MMS22L: variants seen among roughly 807,000 people sequenced by gnomAD.
MMS22L encodes MMS22 like, DNA repair protein.
MMS22L carries 74 observed loss-of-function variants against 159.1 expected under a neutral mutation model. The ratio of observed to expected loss-of-function variants is 0.47; its 90% CI spans 0.39 to 0.56. The LOEUF (loss-of-function observed/expected upper bound fraction) is 0.56. MMS22L is among the 20% of genes least tolerant of loss of function. The pLI is 0.00. For synonymous variants in MMS22L, 517 were observed against 506.9 expected (o/e 1.02, Z -0.27); for missense variants, 1,351 against 1,422.1 (o/e 0.95, Z 0.80).
intron 9 of MMS22L, chr6:97,258,674 GTAT>G: frequency 6.6e-6 from 1 of 152,204 alleles, no homozygotes; most frequent in Non-Finnish European, 1.5e-5. Flanking sequence ...TACCCACAAT[GTAT>G]TTATTAATTT....
chr6:97,186,990 T>C (rs1174455831), intron 14 of MMS22L, among the ~76,000 whole-genome samples: 1 of 152,162 alleles, frequency 6.6e-6, no homozygotes, highest in South Asian at 2.1e-4. Flanking sequence ...AACTCACACA[T>C]GACAAGTGAT....
chr6:97,229,485 ACT>A (rs1810624858), intron 13 of MMS22L, 82 bp from the exon 14 acceptor site: 1 of 948,798 alleles, frequency 1.1e-6, no homozygotes, highest in Non-Finnish European at 1.5e-6. Context: ...TTGTTTCAAT[ACT>A]CATAACAATC....
At chr6:97,218,260 G>C (rs945747365) in intron 14 of MMS22L, among the ~76,000 whole-genome samples, 1 of 152,114 alleles carries the variant, frequency 6.6e-6, no homozygotes, top group Non-Finnish European at 1.5e-5. Flanking sequence ...AATAAACACA[G>C]AGATGAAATT....
At chr6:97,212,669 A>C (rs185831389) in intron 14 of MMS22L, among the ~76,000 whole-genome samples, 19 of 152,350 alleles carry the variant, frequency 1.2e-4, no homozygotes, top group African/African-American at 4.6e-4. Context: ...CTTGTTGAAG[A>C]CTACAGTGAA....
intron 22 of MMS22L, among the ~76,000 whole-genome samples, chr6:97,156,387 T>C (rs1476689060): frequency 6.6e-6 from 1 of 152,254 alleles, no homozygotes; most frequent in East Asian, 1.9e-4. Flanking sequence ...CATGAAGTCT[T>C]TGCCCATCCC....
intron 14 of MMS22L, among the ~76,000 whole-genome samples, chr6:97,202,398 T>G (rs562149968): frequency 2.0e-4 from 31 of 152,300 alleles, no homozygotes; most frequent in African/African-American, 7.0e-4. Context: ...TCTATATATA[T>G]AGAGCAAAGC....
intron 14 of MMS22L, among the ~76,000 whole-genome samples, chr6:97,225,572 G>GTTTTTTTTTTTTTTT (rs202185434): frequency 7.0e-6 from 1 of 142,060 alleles, no homozygotes; most frequent in African/African-American, 2.6e-5. Flanking sequence ...TGGTCTCGAA[G>GTTTTTTTTTTTTTTT]TTTTTTTTTT....
At chr6:97,175,864 A>T (rs1160641345) in intron 18 of MMS22L, among the ~76,000 whole-genome samples, 1 of 152,156 alleles carries the variant, frequency 6.6e-6, no homozygotes, top group Non-Finnish European at 1.5e-5. Flanking sequence ...ATTTTTTGAG[A>T]AAATGTCTGC....
chr6:97,177,864 A>C (rs1192803567), intron 18 of MMS22L, among the ~76,000 whole-genome samples: 1 of 152,204 alleles, frequency 6.6e-6, no homozygotes, highest in East Asian at 1.9e-4. Context: ...AAAGACACTA[A>C]TCCAAACACA....
chr6:97,267,594 T>A (rs1453714248), intron 8 of MMS22L: 1 of 188,122 alleles, frequency 5.3e-6, no homozygotes, highest in Admixed American at 6.2e-5. Context: ...TCGGTAAACA[T>A]CATTTTTATT....
At chr6:97,245,099 G>A (rs1812489874) in intron 11 of MMS22L, among the ~76,000 whole-genome samples, 1 of 151,656 alleles carries the variant, frequency 6.6e-6, no homozygotes, top group Admixed American at 6.6e-5. Flanking sequence ...TGGTGTGCAG[G>A]GCTGAGATCT....
chr6:97,244,445 G>A (rs968908715), intron 11 of MMS22L, among the ~76,000 whole-genome samples: 1 of 152,212 alleles, frequency 6.6e-6, no homozygotes, highest in Non-Finnish European at 1.5e-5. Flanking sequence ...GTGTCTGTGA[G>A]GGTGCTGCCA....
At chr6:97,213,158 G>C (rs903044852) in intron 14 of MMS22L, among the ~76,000 whole-genome samples, 20 of 152,142 alleles carry the variant, frequency 1.3e-4, no homozygotes, top group African/African-American at 4.1e-4. Flanking sequence ...TGTAATCCCA[G>C]CACTTTGGGA....
chr6:97,229,821 A>C (rs766877027), intron 13 of MMS22L, among the ~76,000 whole-genome samples: 1 of 152,156 alleles, frequency 6.6e-6, no homozygotes, highest in African/African-American at 2.4e-5. Context: ...AATTTTCCTT[A>C]AACTCTTTTC....
chr6:97,168,224 T>C lies in MMS22L; in HGVS notation c.2856A>G (p.Ser952=), dbSNP rs1803176649. ...TYGMMGILVK[S]WAQIFATSKA... is the part of the protein sequence containing the mutation. ...TAGAAGTGGCAAAGATTTGTGCCCATGATTTCACAAGAATTCCTAACAAAG... is the reference window on the plus strand; with the variant it reads ...TAGAAGTGGCAAAGATTTGTGCCCACGATTTCACAAGAATTCCTAACAAAG... The change falls in exon 20 of 25, where the codon TCA becomes TCG. Residue 952 remains serine (S), a synonymous_variant. Coordinates refer to ENST00000683635, the MANE Select transcript of MMS22L (RefSeq NM_001350599.2). 1.2e-6 allele frequency: 2 copies of C among 1,612,610 alleles called. No individual in the cohort carries two copies. Among genetic ancestry groups the C allele is most frequent in the East Asian group, 2.2e-5 (1 of 44,826 alleles).
chr6:97,283,380 G>T (rs1311207622), upstream of MMS22L: 2 of 126,770 alleles, frequency 1.6e-5, no homozygotes, highest in African/African-American at 7.5e-5. Flanking sequence ...GCTGAAAGGC[G>T]GGGCCTGGTA....
chr6:97,231,644 G>A lies in MMS22L; in HGVS notation c.1311C>T (p.Ser437=). The change falls in exon 13 of 25, where the codon TCC becomes TCT. Residue 437 remains serine, a synonymous_variant. Transcript: ENST00000683635. The part of the protein sequence containing the change: ...WEYYSKNLNS[S]FSISWLPFKG... ...TAAAAGGAAGCCAAGAAATACTGAAGGAACTATTCTAAAAGGGGGGAAAAA... is the reference window on the plus strand; with the variant it reads ...TAAAAGGAAGCCAAGAAATACTGAAAGAACTATTCTAAAAGGGGGGAAAAA... The A allele has an allele frequency of 6.3e-7, 1 of 1,591,948 alleles. No homozygotes were observed. Among genetic ancestry groups the A allele is most frequent in the South Asian group, 1.1e-5 (1 of 89,834 alleles).
At chr6:97,270,504 A>G (rs1815620111) in intron 6 of MMS22L, 2 of 287,226 alleles carry the variant, frequency 7.0e-6, no homozygotes, top group Non-Finnish European at 1.4e-5. Flanking sequence ...TTAGTATTCA[A>G]ACTCAATTCT....
chr6:97,193,542 T>C (rs1806116135), intron 14 of MMS22L, among the ~76,000 whole-genome samples: 1 of 152,156 alleles, frequency 6.6e-6, no homozygotes, highest in East Asian at 1.9e-4. Context: ...TATAACACAG[T>C]AGTAACAAGG....
Sources: allele counts gnomAD v4.1 joint callset (sites outside exome capture counted in the v4.1 genomes callset), GRCh38; gene constraint gnomAD v4.1.1; transcripts MANE v1.5; gene names NCBI Gene and HGNC (gene_info 2026-07-23, HGNC 2026-07-21).